The following TUBA4B variants were observed in gnomAD, a reference collection of about 807,000 sequenced individuals.
TUBA4B encodes tubulin alpha 4b.
In TUBA4B, 13 loss-of-function variants were observed where a neutral mutation model predicts 18.4. The observed-to-expected ratio is 0.71, with a 90% CI of 0.46 to 1.12. TUBA4B has a LOEUF of 1.12. TUBA4B is among the 50% of genes most tolerant of loss of function. TUBA4B has a pLI of 0.00. For missense variants in TUBA4B, 244 were observed against 250.0 expected (o/e 0.98, Z 0.16); for synonymous variants, 101 against 99.1 (o/e 1.02, Z -0.11).
chr2:219,270,054 A>G (rs958196366), intron 2 of TUBA4B, 148 bp from the exon 3 acceptor site: 6 of 611,726 alleles, frequency 9.8e-6, no homozygotes, highest in Non-Finnish European at 1.8e-5. Flanking sequence ...CAGCACAAAC[A>G]CATCCAAGCA....
chr2:219,257,043 CTTT>C (rs368841707), intron 1 of TUBA4B, among the ~76,000 whole-genome samples: 1 of 107,586 alleles, frequency 9.3e-6, no homozygotes, highest in African/African-American at 3.6e-5. Flanking sequence ...CCCATTTTGG[CTTT>C]TTTTTTTTTT....
At chr2:219,267,747 T>A (rs772594203) in intron 2 of TUBA4B, among the ~76,000 whole-genome samples, 2 of 152,016 alleles carry the variant, frequency 1.3e-5, no homozygotes, top group Non-Finnish European at 2.9e-5. Flanking sequence ...GTATTTTGAG[T>A]AGAGACAAGG....
At chr2:219,271,127 G>A (rs1476081748) in intron 3 of TUBA4B, 39 bp from the exon 4 acceptor site, 1 of 715,350 alleles carries the variant, frequency 1.4e-6, no homozygotes, top group Admixed American at 2.3e-5. Flanking sequence ...CATCAGCTGT[G>A]CTCCATGCCC....
intron 1 of TUBA4B, among the ~76,000 whole-genome samples, chr2:219,265,754 C>A (rs918897598): frequency 1.3e-5 from 2 of 152,164 alleles, no homozygotes; most frequent in Admixed American, 6.5e-5. Context: ...TAAGGCCAGG[C>A]TAGAGCAGCA....
rs1951680727 is a variant in TUBA4B, at chr2:219,253,361, G to GGC, written c.-46_-45insCG. 2.0e-6 allele frequency: 3 copies of GGC among 1,534,020 alleles called. No individual in the cohort carries two copies. Among genetic ancestry groups the GGC allele is most frequent in the Non-Finnish European group, 2.6e-6 (3 of 1,146,338 alleles). ...ACGCGGGGTGCTGAGTCACGGGGGG[G>GGC]GGGTGGTTCTGTGGATAGTTGGAAT... is the stretch of plus-strand genomic sequence containing the variant. On this transcript the variant is annotated 5_prime_UTR_variant, in exon 1 of 4. Coordinates refer to ENST00000490341, the MANE Select transcript of TUBA4B (RefSeq NM_001355221.1).
chr2:219,267,308 G>C (rs1383145952), intron 2 of TUBA4B, among the ~76,000 whole-genome samples: 2 of 152,110 alleles, frequency 1.3e-5, no homozygotes, highest in African/African-American at 4.8e-5. Context: ...CTATAAATTG[G>C]GGGTAATAAA....
At position 219,271,207 on chromosome 2, in the gene TUBA4B, C is replaced by T; in HGVS notation, c.234C>T (p.His78=). The T allele has an allele frequency of 9.0e-7, 1 of 1,117,226 alleles. No homozygotes were observed. Among genetic ancestry groups the T allele is most frequent in the African/African-American group, 1.5e-5 (1 of 65,594 alleles). 69.2% of individuals were successfully genotyped at this position (1,117,226 alleles called of 1,614,324 possible). Reference sequence around the variant, plus strand: ...GACTTCAGGGCTTCCTGGTGTTCCACAGCCTTGGTCGGGGCACTGGCTCTG... The same window carrying T: ...GACTTCAGGGCTTCCTGGTGTTCCATAGCCTTGGTCGGGGCACTGGCTCTG... The part of the protein sequence containing the change: ...CTGLQGFLVF[H]SLGRGTGSDV... Residue 78 remains histidine, a synonymous_variant, in exon 4 of 4, where the codon CAC becomes CAT. Transcript: ENST00000490341.
chr2:219,260,388 G>T (rs1204877519), intron 1 of TUBA4B, among the ~76,000 whole-genome samples: 1 of 152,046 alleles, frequency 6.6e-6, no homozygotes, highest in African/African-American at 2.4e-5. Flanking sequence ...TTTAAAACTA[G>T]AGTATATACA....
In TUBA4B at chr2:219,271,239, C is replaced by G; in HGVS notation, c.266C>G (p.Thr89Ser). 1 of 1,307,826 alleles carries G rather than the reference C, an allele frequency of 7.6e-7. No individual in the cohort carries two copies. Among genetic ancestry groups the G allele is most frequent in the African/African-American group, 1.4e-5 (1 of 68,988 alleles). 81.0% of individuals were successfully genotyped at this position (1,307,826 alleles called of 1,614,324 possible). A position where few individuals can be genotyped will look rare whatever the true frequency, so the allele number is the denominator to read the frequency against. Residue 89 changes from threonine to serine, a missense_variant, in exon 4 of 4, where the codon ACC becomes AGC. Physicochemically the swap from Thr to Ser is moderately conservative, Grantham distance 58. Transcript: ENST00000490341. Reference sequence around the variant, plus strand: ...GGTCGGGGCACTGGCTCTGACGTCACCTCATTCCTGATGGAGTGGCTTTCT... The same window carrying G: ...GGTCGGGGCACTGGCTCTGACGTCAGCTCATTCCTGATGGAGTGGCTTTCT... The part of the protein sequence containing the change: ...SLGRGTGSDV[T>S]SFLMEWLSVN...
At chr2:219,270,493 C>T (rs1951818891) in intron 3 of TUBA4B, among the ~76,000 whole-genome samples, 158 bp downstream of exon 3, 1 of 151,974 alleles carries the variant, frequency 6.6e-6, no homozygotes, top group Admixed American at 6.5e-5. Context: ...GATCGGGGGG[C>T]CAACTGTAGG....
rs1255060439 is a variant in TUBA4B, at chr2:219,271,549, A to G, written c.576A>G (p.Thr192=). 1 of 1,614,082 alleles carries G rather than the reference A, an allele frequency of 6.2e-7. No homozygotes were observed. The highest frequency in any genetic ancestry group is 8.5e-7 in the Non-Finnish European group (1 of 1,180,026). ...RFDGALNVDL[T]EFQTNLVSYL... ...ACGGGGCCCTCAATGTGGACCTGAC[A>G]GAGTTCCAGACCAACCTGGTGTCCT... is the stretch of plus-strand genomic sequence containing the variant. The change falls in exon 4 of 4, where the codon ACA becomes ACG. Residue 192 remains threonine (T), a synonymous_variant. Coordinates refer to ENST00000490341, the MANE Select transcript of TUBA4B (RefSeq NM_001355221.1).
intron 1 of TUBA4B, among the ~76,000 whole-genome samples, chr2:219,265,089 A>G (rs1951782312): frequency 6.6e-6 from 1 of 152,182 alleles, no homozygotes; most frequent in South Asian, 2.1e-4. Flanking sequence ...TGGCCATGGA[A>G]CTGAAGACTG....
At position 219,253,300 on chromosome 2, in the gene TUBA4B, G is replaced by T; in HGVS notation, c.-108G>T. 1 of 1,514,872 alleles carries T rather than the reference G, an allele frequency of 6.6e-7. No individual in the cohort carries two copies. The highest frequency in any genetic ancestry group is 8.8e-7 in the Non-Finnish European group (1 of 1,135,222). The allele number at this position is 1,514,872 out of a possible 1,614,324, so 93.8% of individuals were successfully genotyped here. A position where few individuals can be genotyped will look rare whatever the true frequency, so the allele number is the denominator to read the frequency against. On this transcript the variant is annotated 5_prime_UTR_variant, in exon 1 of 4. In the 5' UTR this introduces an upstream ATG that the reference lacks. Transcript: ENST00000490341. ...TGGAGAGGGCCAGCTCGCTTCAGGA[G>T]GCCGAACCCCGTTCCCACCAACCCT...
chr2:219,256,616 C>T (rs1951721973), intron 1 of TUBA4B, among the ~76,000 whole-genome samples: 1 of 152,174 alleles, frequency 6.6e-6, no homozygotes, highest in Admixed American at 6.5e-5. Context: ...GGGAGATGAT[C>T]CTGGATTATC....
intron 1 of TUBA4B, chr2:219,266,293 T>C: frequency 1.9e-6 from 1 of 534,136 alleles, no homozygotes; most frequent in South Asian, 2.5e-5. Context: ...TGGATACCTG[T>C]GTGGAGTTAC....
intron 1 of TUBA4B, among the ~76,000 whole-genome samples, chr2:219,255,839 A>AG (rs1376442216): frequency 6.6e-6 from 1 of 152,222 alleles, no homozygotes; most frequent in African/African-American, 2.4e-5. Context: ...ATACCATGAA[A>AG]GAACTAGTGA....
In TUBA4B at chr2:219,271,472, A is replaced by T; in HGVS notation, c.499A>T (p.Asn167Tyr). Residue 167 changes from asparagine to tyrosine, a missense_variant, in exon 4 of 4, where the codon AAT becomes TAT. Asn to Tyr is a moderately radical substitution (Grantham distance 143, BLOSUM62 -2). Transcript: ENST00000490341. ...CGAGCGCCCAACCTACACCAACCTC[A>T]ATCGCCTCATTAGCCAAATTGTCTC... is the stretch of plus-strand genomic sequence containing the variant. ...DIERPTYTNL[N>Y]RLISQIVSSI... 1.2e-6 allele frequency: 2 copies of T among 1,614,056 alleles called. No homozygotes were observed. The highest frequency in any genetic ancestry group is 4.5e-5 in the East Asian group (2 of 44,878).
chr2:219,268,210 G>T (rs914911741), intron 2 of TUBA4B, among the ~76,000 whole-genome samples: 2 of 148,868 alleles, frequency 1.3e-5, no homozygotes. Flanking sequence ...CTGGGTTCAA[G>T]CAATTCTCCT....
rs986222947 is a variant in TUBA4B, at chr2:219,271,973, T to C, written c.*274T>C. ...CCTGGGCCCGCCTGGACCACAAGTT[T>C]GACCTGATGTATGCCAAGAGGGCGT... On this transcript the variant is annotated 3_prime_UTR_variant, in exon 4 of 4. Coordinates refer to ENST00000490341, the MANE Select transcript of TUBA4B (RefSeq NM_001355221.1). 1.7e-5 allele frequency: 26 copies of C among 1,523,038 alleles called. No individual in the cohort carries two copies. Among genetic ancestry groups the C allele is most frequent in the African/African-American group, 4.1e-5 (3 of 72,906 alleles). 94.3% of individuals were successfully genotyped at this position (1,523,038 alleles called of 1,614,324 possible).
Sources: allele counts gnomAD v4.1 joint callset (sites outside exome capture counted in the v4.1 genomes callset), GRCh38; gene constraint gnomAD v4.1.1; transcripts MANE v1.5; gene names NCBI Gene and HGNC (gene_info 2026-07-23, HGNC 2026-07-21).